The following ANKS6 variants were observed in gnomAD, a reference collection of about 807,000 sequenced individuals.
ANKS6 encodes ankyrin repeat and SAM domain-containing protein 6.
In ANKS6, 47 loss-of-function variants were observed where a neutral mutation model predicts 77.9. The observed-to-expected ratio is 0.60, with a 90% CI of 0.48 to 0.77. ANKS6 has a LOEUF of 0.77. Among genes scored for constraint, ANKS6 ranks in the 30% least tolerant of loss-of-function variants. The probability of loss-of-function intolerance (pLI) is 0.00; values close to 1 mark genes in which losing one functional copy is unlikely to be tolerated. For missense variants in ANKS6, 1,150 were observed against 1,159.1 expected, an observed-to-expected ratio of 0.99 and a Z score of 0.11; for synonymous variants, 488 against 501.7, an observed-to-expected ratio of 0.97 and a Z score of 0.37.
At position 98,732,551 on chromosome 9, in the gene ANKS6, T is replaced by A; in HGVS notation, c.*3968A>T. ...TCTTCTGGCCTCACCCACCCAACCA[T>A]GGCTACGTCAGGGCAGAAGGGAGAG... On this transcript the variant is annotated 3_prime_UTR_variant, in exon 15 of 15. Coordinates refer to ENST00000353234, the MANE Select transcript of ANKS6 (RefSeq NM_173551.5). 1 of 1,550,476 alleles carries A rather than the reference T, an allele frequency of 6.4e-7. No individual in the cohort carries two copies.
Position 98,784,061 on chromosome 9 carries a change from A to T in ANKS6, c.1004T>A (p.Val335Asp). The T allele has an allele frequency of 1.2e-6, 2 of 1,611,120 alleles. No homozygotes were observed. The highest frequency in any genetic ancestry group is 1.7e-6 in the Non-Finnish European group (2 of 1,178,784). Reference protein sequence around the residue: ...DGATPLMLAAVTGQLALVQLL... With the variant: ...DGATPLMLAADTGQLALVQLL... ...CTGCACCAGAGCCAGCTGCCCCGTA[A>T]CAGCTGCTAGCATCAGTGGCGTCGC... Residue 335 changes from valine to aspartate, a missense_variant, in exon 4 of 15, where the codon GTT becomes GAT. By Grantham distance (152) the Val-to-Asp change is radical (BLOSUM62 -3). Coordinates refer to ENST00000353234, the MANE Select transcript of ANKS6 (RefSeq NM_173551.5).
At chr9:98,747,461 C>CT (rs1483364206) in intron 13 of ANKS6, among the ~76,000 whole-genome samples, 1 of 152,098 alleles carries the variant, frequency 6.6e-6, no homozygotes, top group East Asian at 1.9e-4. Context: ...TTAGCCCCCT[C>CT]TGAGATGCAG....
intron 2 of ANKS6, among the ~76,000 whole-genome samples, chr9:98,789,028 T>C (rs1588417513): frequency 6.6e-6 from 1 of 151,524 alleles, no homozygotes; most frequent in Non-Finnish European, 1.5e-5. Context: ...GATTGGATGG[T>C]GTATTTCTTT....
chr9:98,787,785 C>G (rs1054239181), intron 2 of ANKS6, among the ~76,000 whole-genome samples: 1 of 152,134 alleles, frequency 6.6e-6, no homozygotes, highest in Non-Finnish European at 1.5e-5. Context: ...CCAAGACCAC[C>G]CAGGTACAGA....
intron 11 of ANKS6, among the ~76,000 whole-genome samples, chr9:98,766,169 AATGG>A (rs1432021152): frequency 6.6e-5 from 10 of 152,372 alleles, no homozygotes; most frequent in African/African-American, 2.4e-4. Context: ...TGATCATTGA[AATGG>A]ATGGTTTCCC....
chr9:98,792,225 G>A (rs894676308), intron 1 of ANKS6, among the ~76,000 whole-genome samples: 4 of 152,080 alleles, frequency 2.6e-5, no homozygotes, highest in Admixed American at 6.5e-5. Flanking sequence ...CACCCCCACC[G>A]TGTCCTGCTT....
At chr9:98,788,702 C>T (rs1213274404) in intron 2 of ANKS6, among the ~76,000 whole-genome samples, 3 of 152,126 alleles carry the variant, frequency 2.0e-5, no homozygotes, top group African/African-American at 7.3e-5. Context: ...GGCAAAGGCT[C>T]AGAAGAGTCA....
intron 13 of ANKS6, among the ~76,000 whole-genome samples, chr9:98,747,902 C>T (rs967091994): frequency 6.6e-6 from 1 of 152,260 alleles, no homozygotes; most frequent in Non-Finnish European, 1.5e-5. Context: ...ATTCCCTCCT[C>T]CTGATGGACT....
In ANKS6 at chr9:98,732,737, G is replaced by T. The variant is rs1831269054; in HGVS notation, c.*3782C>A. 3 of 1,434,084 alleles carry T rather than the reference G, an allele frequency of 2.1e-6. No homozygotes were observed. In the Admixed American group the frequency reaches 8.4e-5, roughly 40 times the overall value. 88.8% of individuals were successfully genotyped at this position (1,434,084 alleles called of 1,614,324 possible). On this transcript the variant is annotated 3_prime_UTR_variant, in exon 15 of 15. Transcript: ENST00000353234. ...ACCAAAAGGGAAACTGGGACTCAAA[G>T]GGAAGAAGAAACGTGCTCAACATCA...
intron 1 of ANKS6, among the ~76,000 whole-genome samples, chr9:98,793,646 G>A (rs751553543): frequency 3.3e-5 from 5 of 151,702 alleles, no homozygotes; most frequent in Non-Finnish European, 5.9e-5. Flanking sequence ...TCAGCCTCCC[G>A]AGTAGCTGGG....
chr9:98,752,678 A>G lies in ANKS6; in HGVS notation c.2327-1582T>C, dbSNP rs1023178367. On this transcript the variant is annotated intron_variant, in intron 12 of 14. Coordinates refer to ENST00000353234, the MANE Select transcript of ANKS6 (RefSeq NM_173551.5). ...CCATTTACAGATGAGAAACTGAGGC[A>G]CAGAAAGGCTTGATACCACATCTTG... is the stretch of plus-strand genomic sequence containing the variant. Among the ~76,000 whole-genome samples, 112 of 152,216 alleles carry G rather than the reference A, an allele frequency of 7.4e-4. 1 individual carries two copies. Among genetic ancestry groups the G allele is most frequent in the African/African-American group, 2.6e-3 (109 of 41,452 alleles).
At chr9:98,787,955 C>T (rs1162818438) in intron 2 of ANKS6, among the ~76,000 whole-genome samples, 1 of 152,210 alleles carries the variant, frequency 6.6e-6, no homozygotes, top group Non-Finnish European at 1.5e-5. Context: ...TCACATGAAC[C>T]CCACAGCAGC....
In ANKS6 at chr9:98,768,707, C is replaced by T. The variant is rs1181749320; in HGVS notation, c.1973-457G>A. Among the ~76,000 whole-genome samples, 3 of 152,178 alleles carry T rather than the reference C, an allele frequency of 2.0e-5. No individual in the cohort carries two copies. In the East Asian group the frequency reaches 5.8e-4, roughly 29 times the overall value. ...CTTTGACTCTCCCTTTATGTGGCCA[C>T]CTACTCTCACGACTGAGTCAATAAA... On this transcript the variant is annotated intron_variant, in intron 10 of 14. Coordinates refer to ENST00000353234, the MANE Select transcript of ANKS6 (RefSeq NM_173551.5).
intron 2 of ANKS6, among the ~76,000 whole-genome samples, chr9:98,786,650 T>A (rs1024584218): frequency 6.6e-6 from 1 of 152,196 alleles, no homozygotes; most frequent in Non-Finnish European, 1.5e-5. Context: ...TATATCAATT[T>A]TGCCTGTGAA....
chr9:98,770,967 G>C lies in ANKS6; in HGVS notation c.1901C>G (p.Ser634Trp). Residue 634 changes from serine to tryptophan, a missense_variant, in exon 10 of 15, where the codon TCG (serine) becomes TGG (tryptophan). Ser to Trp is a radical substitution (Grantham distance 177). Transcript: ENST00000353234. ...ACTGGAGCCGCCCGATGAATGAGGC[G>C]AGTGGTTGAAGTTTCCAGAATTGGC... ...SSANSGNFNH[S>W]PHSSGGSSGV... 1.3e-6 allele frequency: 2 copies of C among 1,598,462 alleles called. No homozygotes were observed. Among genetic ancestry groups the C allele is most frequent in the Non-Finnish European group, 1.7e-6 (2 of 1,172,356 alleles).
At position 98,777,435 on chromosome 9, in the gene ANKS6, T is replaced by C; in HGVS notation, c.1587A>G (p.Gly529=). Residue 529 remains glycine, a synonymous_variant, in exon 8 of 15, where the codon GGA becomes GGG. Coordinates refer to ENST00000353234, the MANE Select transcript of ANKS6 (RefSeq NM_173551.5). The part of the protein sequence containing the change: ...TKDNGPGSTR[G]EKEDTLLTTM... ...TTGTCAATAACGTGTCTTCCTTTTCTCCTCTTGTGCTCCCAGGACCTGAGA... is the reference window on the plus strand; with the variant it reads ...TTGTCAATAACGTGTCTTCCTTTTCCCCTCTTGTGCTCCCAGGACCTGAGA... The C allele has an allele frequency of 6.2e-7, 1 of 1,614,184 alleles. No homozygotes were observed. Among genetic ancestry groups the C allele is most frequent in the Non-Finnish European group, 8.5e-7 (1 of 1,180,034 alleles).
chr9:98,741,668 T>C (rs1441710179), intron 14 of ANKS6, among the ~76,000 whole-genome samples: 1 of 152,182 alleles, frequency 6.6e-6, no homozygotes, highest in Non-Finnish European at 1.5e-5. Context: ...ACCTCCAATA[T>C]ATAACTCATC....
intron 14 of ANKS6, among the ~76,000 whole-genome samples, chr9:98,736,899 C>T (rs1432021429): frequency 2.0e-5 from 3 of 152,192 alleles, no homozygotes. Flanking sequence ...GAGTCCGGGG[C>T]AGGACTGACT....
intron 11 of ANKS6, 134 bp downstream of exon 11, chr9:98,767,947 G>A (rs541836272): frequency 6.6e-4 from 827 of 1,250,300 alleles, no homozygotes; most frequent in Non-Finnish European, 8.0e-4. Context: ...ATGCAGCCCA[G>A]GAGTGGCTGG....
Sources: gnomAD v4.1 joint callset for allele counts (sites outside exome capture counted in the v4.1 genomes callset) on GRCh38, gnomAD v4.1.1 for gene constraint, MANE v1.5 for transcripts, NCBI Gene and HGNC (gene_info 2026-07-23, HGNC 2026-07-21) for gene names.